CA10: variants seen among roughly 807,000 people sequenced by gnomAD.
The protein encoded by CA10 is carbonic anhydrase 10 (inactive).
Under a neutral mutation model 44.2 loss-of-function variants are expected in CA10, and 14 were observed. The ratio of observed to expected loss-of-function variants is 0.32; its 90% CI spans 0.21 to 0.50. The LOEUF is 0.50. Among genes scored for constraint, CA10 ranks in the 20% least tolerant of loss-of-function variants. The pLI is 0.99. For synonymous variants in CA10, 159 were observed against 141.6 expected, an observed-to-expected ratio of 1.12 and a Z score of -0.87; for missense variants, 350 against 409.7, an observed-to-expected ratio of 0.85 and a Z score of 1.26.
At position 51,727,281 on chromosome 17, in the gene CA10, A is replaced by G. The variant is rs1008438889; in HGVS notation, c.465+20352T>C. Among the ~76,000 whole-genome samples, 10 of 152,288 alleles carry G rather than the reference A, an allele frequency of 6.6e-5. No individual in the cohort carries two copies. In the South Asian group the frequency reaches 2.1e-3, roughly 32 times the overall value. Reference sequence around the variant, plus strand: ...CTGCTTTCACTTTTAATTCTTCAGGAGGAAAGGTCTTCCCCCCATCTCTGA... The same window carrying G: ...CTGCTTTCACTTTTAATTCTTCAGGGGGAAAGGTCTTCCCCCCATCTCTGA... On this transcript the variant is annotated intron_variant, in intron 4 of 8. Coordinates refer to ENST00000451037, the MANE Select transcript of CA10 (RefSeq NM_020178.5).
chr17:51,906,794 A>G (rs898616592), intron 3 of CA10, among the ~76,000 whole-genome samples: 23 of 152,056 alleles, frequency 1.5e-4, no homozygotes, highest in African/African-American at 5.3e-4. Flanking sequence ...CATTCACTCA[A>G]TGACTACTCT....
At chr17:52,006,537 A>G (rs1462078446) in intron 2 of CA10, among the ~76,000 whole-genome samples, 1 of 151,764 alleles carries the variant, frequency 6.6e-6, no homozygotes, top group African/African-American at 2.4e-5. Context: ...CTTTCCCTAG[A>G]GGTAATCAAG....
intron 3 of CA10, among the ~76,000 whole-genome samples, chr17:51,800,921 A>G (rs1221510143): frequency 6.6e-6 from 1 of 152,182 alleles, no homozygotes; most frequent in African/African-American, 2.4e-5. Flanking sequence ...TGGGCCCAGA[A>G]GAAGTACTTG....
chr17:51,996,119 G>A (rs1038708462), intron 2 of CA10, among the ~76,000 whole-genome samples: 1 of 151,850 alleles, frequency 6.6e-6, no homozygotes, highest in African/African-American at 2.4e-5. Flanking sequence ...TTTTGTCCTT[G>A]AGGAGCTCCC....
At chr17:51,758,085 G>A (rs1438859566) in intron 3 of CA10, among the ~76,000 whole-genome samples, 1 of 151,984 alleles carries the variant, frequency 6.6e-6, no homozygotes, top group Non-Finnish European at 1.5e-5. Flanking sequence ...GGAAAATAGT[G>A]GGTTTTTTTC....
chr17:52,140,987 T>C (rs2143382872), intron 1 of CA10, among the ~76,000 whole-genome samples: 1 of 152,262 alleles, frequency 6.6e-6, no homozygotes, highest in South Asian at 2.1e-4. Context: ...AGGTTGTCAT[T>C]CCTAAAATTG....
chr17:52,130,874 G>C (rs946020411), intron 1 of CA10, among the ~76,000 whole-genome samples: 2 of 151,956 alleles, frequency 1.3e-5, no homozygotes, highest in African/African-American at 4.8e-5. Context: ...ATTTCAGTTA[G>C]ACAGCAGGAA....
At chr17:52,042,154 T>C (rs1028708880) in intron 2 of CA10, among the ~76,000 whole-genome samples, 1 of 151,896 alleles carries the variant, frequency 6.6e-6, no homozygotes, top group African/African-American at 2.4e-5. Flanking sequence ...ATTTTAAAGT[T>C]TTTTGAGGAA....
intron 3 of CA10, among the ~76,000 whole-genome samples, chr17:51,768,331 T>C (rs1905467068): frequency 6.6e-6 from 1 of 152,196 alleles, no homozygotes; most frequent in Admixed American, 6.5e-5. Flanking sequence ...CGACTCTCCA[T>C]CACTGTCTTC....
chr17:52,005,848 T>C (rs1255768329), intron 2 of CA10, among the ~76,000 whole-genome samples: 2 of 151,798 alleles, frequency 1.3e-5, no homozygotes, highest in African/African-American at 4.8e-5. Context: ...ATAAACCAGA[T>C]TTGCTTTCAA....
chr17:52,027,527 T>C (rs1161369165), intron 2 of CA10, among the ~76,000 whole-genome samples: 1 of 152,154 alleles, frequency 6.6e-6, no homozygotes, highest in Non-Finnish European at 1.5e-5. Flanking sequence ...TCTGGGAGTC[T>C]AGGATCTAAA....
chr17:52,008,400 A>G (rs2319631), intron 2 of CA10, among the ~76,000 whole-genome samples: 18,526 of 151,788 alleles, frequency 0.12, 1,182 homozygotes, highest in South Asian at 0.23. Context: ...GTATTAGACA[A>G]CAATCACTAG....
chr17:51,673,424 C>T (rs182904601), intron 4 of CA10, among the ~76,000 whole-genome samples: 7 of 152,232 alleles, frequency 4.6e-5, no homozygotes, highest in Non-Finnish European at 1.0e-4. Flanking sequence ...CTCCAAATCT[C>T]CTCCTCTTCC....
At position 51,640,498 on chromosome 17, in the gene CA10, G is replaced by A. The variant is rs111339603; in HGVS notation, c.635-4489C>T. On this transcript the variant is annotated intron_variant, in intron 6 of 8. Coordinates refer to ENST00000451037, the MANE Select transcript of CA10 (RefSeq NM_020178.5). ...CATATTTACATTGCTGAGTCAGTGCGCATTTAACGTGTAATGTTTGTTTTC... is the reference window on the plus strand; with the variant it reads ...CATATTTACATTGCTGAGTCAGTGCACATTTAACGTGTAATGTTTGTTTTC... Among the ~76,000 whole-genome samples the A allele has an allele frequency of 3.7e-3, 566 of 152,244 alleles. 3 individuals are homozygous for A. The highest frequency in any genetic ancestry group is 6.8e-3 in the Middle Eastern group (2 of 294).
intron 4 of CA10, among the ~76,000 whole-genome samples, chr17:51,706,040 G>C (rs569243610): frequency 1.2e-3 from 180 of 152,318 alleles, no homozygotes; most frequent in African/African-American, 4.0e-3. Flanking sequence ...ATGTCAGACA[G>C]GTCTGGTTGA....
chr17:51,745,502 G>T (rs1904646447), intron 4 of CA10, among the ~76,000 whole-genome samples: 1 of 152,148 alleles, frequency 6.6e-6, no homozygotes, highest in South Asian at 2.1e-4. Context: ...ACTCTCCTGG[G>T]AACTTTTAAA....
chr17:51,842,980 A>C (rs1224946770), intron 3 of CA10, among the ~76,000 whole-genome samples: 1 of 152,246 alleles, frequency 6.6e-6, no homozygotes, highest in African/African-American at 2.4e-5. Context: ...TGTGCAAATG[A>C]TAAGTACAGT....
At chr17:51,638,488 C>A (rs1912932553) in intron 6 of CA10, among the ~76,000 whole-genome samples, 1 of 152,210 alleles carries the variant, frequency 6.6e-6, no homozygotes, top group Non-Finnish European at 1.5e-5. Context: ...TGCACTATGG[C>A]CTGTTTGGGC....
intron 2 of CA10, among the ~76,000 whole-genome samples, chr17:52,060,180 T>A (rs1987343821): frequency 6.6e-6 from 1 of 152,018 alleles, no homozygotes; most frequent in South Asian, 2.1e-4. Context: ...AAACTCACAA[T>A]CCCAGATTAA....
Sources: gnomAD v4.1 joint callset for allele counts (sites outside exome capture counted in the v4.1 genomes callset) on GRCh38, gnomAD v4.1.1 for gene constraint, MANE v1.5 for transcripts, NCBI Gene and HGNC (gene_info 2026-07-23, HGNC 2026-07-21) for gene names.